Variants in ZNF521 observed in about 807,000 individuals in gnomAD.
ZNF521 encodes LYST-interacting protein 3.
A neutral mutation model predicts 105.5 loss-of-function variants in ZNF521; 14 were observed. The ratio of observed to expected loss-of-function variants is 0.13; its 90% CI spans 0.09 to 0.21. The LOEUF (loss-of-function observed/expected upper bound fraction) is 0.21, where lower values mean the gene tolerates loss of function less well. Among genes scored for constraint, ZNF521 ranks in the 10% least tolerant of loss-of-function variants. The pLI, the probability that ZNF521 is intolerant of heterozygous loss-of-function variation, is 1.00. For missense variants in ZNF521, 1,233 were observed against 1,629.7 expected (o/e 0.76, Z 4.19); for synonymous variants, 635 against 606.0 (o/e 1.05, Z -0.70).
At chr18:25,262,347 G>C (rs977700398) in intron 3 of ZNF521, among the ~76,000 whole-genome samples, 1 of 152,144 alleles carries the variant, frequency 6.6e-6, no homozygotes, top group African/African-American at 2.4e-5. Flanking sequence ...AGAAATTCCT[G>C]TACTCCAAAA....
At chr18:25,166,876 T>TAC (rs1409133359) in intron 5 of ZNF521, among the ~76,000 whole-genome samples, 1 of 152,232 alleles carries the variant, frequency 6.6e-6, no homozygotes, top group Non-Finnish European at 1.5e-5. Context: ...ATTTAGTTCG[T>TAC]ACATTAATAT....
intron 5 of ZNF521, among the ~76,000 whole-genome samples, chr18:25,130,420 C>A (rs2034618635): frequency 6.6e-6 from 1 of 152,062 alleles, no homozygotes; most frequent in Non-Finnish European, 1.5e-5. Flanking sequence ...TAATTGTGGA[C>A]ACATGATATG....
At chr18:25,283,643 A>C (rs1475966132) in intron 3 of ZNF521, among the ~76,000 whole-genome samples, 1 of 152,246 alleles carries the variant, frequency 6.6e-6, no homozygotes, top group Non-Finnish European at 1.5e-5. Flanking sequence ...ATAGCTGAAC[A>C]TAAACTTAAA....
At chr18:25,327,196 A>G (rs1219304354) in intron 2 of ZNF521, among the ~76,000 whole-genome samples, 1 of 152,190 alleles carries the variant, frequency 6.6e-6, no homozygotes, top group African/African-American at 2.4e-5. Context: ...TTTCAAGGAT[A>G]TTGTCTGAAA....
chr18:25,108,754 A>G (rs973097491), intron 5 of ZNF521, among the ~76,000 whole-genome samples: 6 of 132,396 alleles, frequency 4.5e-5, no homozygotes, highest in Admixed American at 3.9e-4. Flanking sequence ...CCTCCTGAGT[A>G]GCTGGGACTA....
chr18:25,351,241 A>T (rs916265407), intron 1 of ZNF521: 2 of 149,986 alleles, frequency 1.3e-5, no homozygotes, highest in Non-Finnish European at 3.0e-5. Flanking sequence ...AAAAAAAAGG[A>T]AAAAGAAAAA....
chr18:25,303,722 T>C lies in ZNF521; in HGVS notation c.220+18286A>G, dbSNP rs111350020. Among the ~76,000 whole-genome samples the C allele has an allele frequency of 2.4e-3, 369 of 152,286 alleles. 1 individual carries two copies. The highest frequency in any genetic ancestry group is 8.4e-3 in the African/African-American group (350 of 41,556). ...TTGACATCTAAGCTCATAGATCAAA[T>C]CTACTTTTTGGGGCCCAAACTCACA... On this transcript the variant is annotated intron_variant, in intron 3 of 7. Coordinates refer to ENST00000361524, the MANE Select transcript of ZNF521 (RefSeq NM_015461.3).
At chr18:25,066,824 T>TC (rs765698096) in intron 7 of ZNF521, among the ~76,000 whole-genome samples, 32 of 152,314 alleles carry the variant, frequency 2.1e-4, no homozygotes, top group South Asian at 1.2e-3. Flanking sequence ...GCAAGAGTTT[T>TC]CAGCTCTTTA....
intron 2 of ZNF521, among the ~76,000 whole-genome samples, chr18:25,333,805 C>A (rs1262536784): frequency 6.6e-6 from 1 of 152,188 alleles, no homozygotes; most frequent in Non-Finnish European, 1.5e-5. Context: ...GAATTTGTTT[C>A]TCCTCTATCT....
At chr18:25,285,063 G>GAA (rs746463852) in intron 3 of ZNF521, among the ~76,000 whole-genome samples, 1 of 130,694 alleles carries the variant, frequency 7.7e-6, no homozygotes, top group Non-Finnish European at 1.7e-5. Flanking sequence ...CCAGAAAAGG[G>GAA]AAAAAAAAAA....
chr18:25,119,804 A>G (rs1016129366), intron 5 of ZNF521, among the ~76,000 whole-genome samples: 38 of 152,082 alleles, frequency 2.5e-4, no homozygotes, highest in African/African-American at 9.2e-4. Context: ...GTAAATCAGT[A>G]TAAGAAAAGA....
chr18:25,197,467 TA>T (rs1445517430), intron 4 of ZNF521, among the ~76,000 whole-genome samples: 2 of 151,880 alleles, frequency 1.3e-5, no homozygotes, highest in African/African-American at 4.8e-5. Context: ...ACGTTGATGT[TA>T]AATGACCTTT....
At chr18:25,166,024 C>A (rs1256793123) in intron 5 of ZNF521, among the ~76,000 whole-genome samples, 1 of 152,184 alleles carries the variant, frequency 6.6e-6, no homozygotes, top group Non-Finnish European at 1.5e-5. Context: ...CCACCAACCG[C>A]TTCTAGTCTC....
At chr18:25,351,507 G>T (rs1480191381) in intron 1 of ZNF521, 1 of 150,080 alleles carries the variant, frequency 6.7e-6, no homozygotes, top group African/African-American at 2.5e-5. Context: ...TTTACAAAGC[G>T]AGTCGTGCTC....
chr18:25,349,320 T>C (rs971611751), intron 2 of ZNF521, among the ~76,000 whole-genome samples: 1 of 152,122 alleles, frequency 6.6e-6, no homozygotes, highest in Non-Finnish European at 1.5e-5. Context: ...GGCGTTTCTT[T>C]TTTCACTGTC....
chr18:25,171,940 AAC>A (rs1194710614), intron 5 of ZNF521, among the ~76,000 whole-genome samples: 1 of 152,026 alleles, frequency 6.6e-6, no homozygotes, highest in East Asian at 1.9e-4. Flanking sequence ...CCCTGTAATA[AAC>A]AGTGTTATAT....
chr18:25,074,038 G>GTA, intron 7 of ZNF521, among the ~76,000 whole-genome samples: 1 of 149,000 alleles, frequency 6.7e-6, no homozygotes, highest in South Asian at 2.2e-4. Flanking sequence ...GTGCGTGCAT[G>GTA]TGTGTGTCTG....
chr18:25,302,483 T>A (rs1911701335), intron 3 of ZNF521, among the ~76,000 whole-genome samples: 1 of 152,202 alleles, frequency 6.6e-6, no homozygotes, highest in South Asian at 2.1e-4. Context: ...TGTGATACTT[T>A]CCTGGAAAGT....
chr18:25,327,251 G>A (rs999296115), intron 2 of ZNF521, among the ~76,000 whole-genome samples: 13 of 152,200 alleles, frequency 8.5e-5, no homozygotes, highest in African/African-American at 3.1e-4. Flanking sequence ...GGAATTCCAT[G>A]CTAAATAAGT....
Sources: gnomAD v4.1 joint callset for allele counts (sites outside exome capture counted in the v4.1 genomes callset) on GRCh38, gnomAD v4.1.1 for gene constraint, MANE v1.5 for transcripts, NCBI Gene and HGNC (gene_info 2026-07-23, HGNC 2026-07-21) for gene names.